Variants in RGS6 observed in about 807,000 individuals in gnomAD.
The protein encoded by RGS6 is regulator of G protein signaling 6, also known as regulator of G-protein signaling 6.
RGS6 carries 30 observed loss-of-function variants against 78.5 expected under a neutral mutation model. The ratio of observed to expected loss-of-function variants is 0.38; its 90% CI spans 0.29 to 0.52. RGS6 has a LOEUF of 0.52. Ranked by LOEUF, RGS6 falls within the 20% of genes least tolerant of loss-of-function variation. The pLI is 0.85. For synonymous variants in RGS6, 206 were observed against 206.0 expected (o/e 1.00, Z 0.00); for missense variants, 495 against 609.7 (o/e 0.81, Z 1.98).
the RGS6 span, among the ~76,000 whole-genome samples, chr14:71,919,085 T>C: frequency 2.6e-5 from 4 of 152,174 alleles, no homozygotes; most frequent in Admixed American, 2.6e-4. Context: ...CTTTCTTCCT[T>C]TGTGCTCATG....
intron 1 of RGS6, among the ~76,000 whole-genome samples, chr14:71,952,027 A>T (rs2092368056): frequency 1.3e-5 from 2 of 152,108 alleles, no homozygotes; most frequent in Non-Finnish European, 2.9e-5. Context: ...GCATTCATAA[A>T]TTATTATGAA....
At chr14:72,184,942 G>A (rs1279792766) in intron 2 of RGS6, among the ~76,000 whole-genome samples, 1 of 152,154 alleles carries the variant, frequency 6.6e-6, no homozygotes, top group Non-Finnish European at 1.5e-5. Flanking sequence ...AAGTCCCACA[G>A]TAGGCCATCT....
chr14:72,335,740 T>TTAA, intron 2 of RGS6, among the ~76,000 whole-genome samples: 1 of 152,358 alleles, frequency 6.6e-6, no homozygotes, highest in South Asian at 2.1e-4. Flanking sequence ...GCTGATGAGC[T>TTAA]TAATGTTTTA....
At chr14:71,984,588 G>C (rs2094610593) in intron 2 of RGS6, among the ~76,000 whole-genome samples, 1 of 152,128 alleles carries the variant, frequency 6.6e-6, no homozygotes, top group South Asian at 2.1e-4. Flanking sequence ...GAGTTGGCTG[G>C]TGGAAAAGAG....
the RGS6 span, among the ~76,000 whole-genome samples, chr14:71,919,477 T>C: frequency 2.0e-5 from 3 of 152,114 alleles, no homozygotes; most frequent in African/African-American, 7.2e-5. Flanking sequence ...TGTGTGTGTG[T>C]GATGTGTATG....
At chr14:72,629,922 G>A in the RGS6 span, among the ~76,000 whole-genome samples, 1 of 152,044 alleles carries the variant, frequency 6.6e-6, no homozygotes, top group East Asian at 1.9e-4. Flanking sequence ...TCAGATCAAG[G>A]GCAAAACAGA....
At chr14:72,358,205 G>A (rs1054265443) in intron 3 of RGS6, among the ~76,000 whole-genome samples, 13 of 152,210 alleles carry the variant, frequency 8.5e-5, no homozygotes, top group African/African-American at 2.9e-4. Context: ...TGCTGCAGGG[G>A]CAGAGCCCTC....
At chr14:72,312,136 A>C (rs1346283719) in intron 2 of RGS6, among the ~76,000 whole-genome samples, 50 of 151,944 alleles carry the variant, frequency 3.3e-4, no homozygotes, top group Non-Finnish European at 7.4e-5. Context: ...CGCTCCCCTC[A>C]GAGTTTCTGC....
chr14:72,624,727 A>T, the RGS6 span, among the ~76,000 whole-genome samples: 1 of 152,150 alleles, frequency 6.6e-6, no homozygotes, highest in Non-Finnish European at 1.5e-5. Context: ...TCAATCTGTG[A>T]CAGTTCCTCA....
At chr14:72,547,611 T>G (rs1236998002) in intron 17 of RGS6, among the ~76,000 whole-genome samples, 1 of 151,982 alleles carries the variant, frequency 6.6e-6, no homozygotes, top group Non-Finnish European at 1.5e-5. Context: ...AGCAGTGGGA[T>G]TTTTAGTTTT....
chr14:71,978,775 C>T, intron 2 of RGS6, among the ~76,000 whole-genome samples: 1 of 152,160 alleles, frequency 6.6e-6, no homozygotes, highest in Non-Finnish European at 1.5e-5. Flanking sequence ...ACGCTGGCCT[C>T]ATAAAATGAG....
chr14:72,161,796 A>G (rs17108326), intron 2 of RGS6, among the ~76,000 whole-genome samples: 24,601 of 152,252 alleles, frequency 0.16, 2,189 homozygotes, highest in Middle Eastern at 0.23. Flanking sequence ...ACATCCATCA[A>G]CTAGAGTGCT....
chr14:72,498,177 G>T (rs1195165089), intron 13 of RGS6, among the ~76,000 whole-genome samples: 1 of 152,108 alleles, frequency 6.6e-6, no homozygotes, highest in Non-Finnish European at 1.5e-5. Context: ...TTAGTAGCCT[G>T]CTCTGTTCTA....
At chr14:72,256,873 A>G (rs528075460) in intron 2 of RGS6, among the ~76,000 whole-genome samples, 5 of 152,336 alleles carry the variant, frequency 3.3e-5, no homozygotes, top group Middle Eastern at 3.4e-3. Flanking sequence ...ATTTGAATTC[A>G]ACAAATAACT....
At chr14:71,972,262 C>T (rs1036996169) in intron 2 of RGS6, among the ~76,000 whole-genome samples, 2 of 151,954 alleles carry the variant, frequency 1.3e-5, no homozygotes, top group African/African-American at 4.8e-5. Flanking sequence ...TACCAAGATC[C>T]AGAATTCAGA....
chr14:72,173,992 C>G (rs2097066374), intron 2 of RGS6, among the ~76,000 whole-genome samples: 1 of 152,118 alleles, frequency 6.6e-6, no homozygotes, highest in Admixed American at 6.5e-5. Context: ...TGGCAGACCC[C>G]TTTCCTGCTC....
chr14:72,401,112 A>G (rs2092343236), intron 3 of RGS6, among the ~76,000 whole-genome samples: 1 of 152,098 alleles, frequency 6.6e-6, no homozygotes, highest in Admixed American at 6.5e-5. Flanking sequence ...AGTTAGATAA[A>G]TCTTATGTTC....
At chr14:72,211,398 C>A (rs2044112057) in intron 2 of RGS6, among the ~76,000 whole-genome samples, 3 of 152,136 alleles carry the variant, frequency 2.0e-5, no homozygotes, top group Admixed American at 2.0e-4. Context: ...AGCTAGAAGT[C>A]AAACTGGTAG....
intron 10 of RGS6, 37 bp downstream of exon 10, chr14:72,474,736 G>A (rs1236422592): frequency 6.5e-7 from 1 of 1,528,394 alleles, no homozygotes. Flanking sequence ...TTCCTGATGT[G>A]AATAGCCCTT....
Sources: gnomAD v4.1 joint callset for allele counts (sites outside exome capture counted in the v4.1 genomes callset) on GRCh38, gnomAD v4.1.1 for gene constraint, MANE v1.5 for transcripts, NCBI Gene and HGNC (gene_info 2026-07-23, HGNC 2026-07-21) for gene names.